Variants in SMYD3 observed in about 807,000 individuals in gnomAD.
SMYD3 encodes the protein histone-lysine N-methyltransferase SMYD3.
Under a neutral mutation model 57.7 loss-of-function variants are expected in SMYD3, and 36 were observed. That is an observed-to-expected ratio of 0.62 (90% CI 0.48 to 0.82). The LOEUF (loss-of-function observed/expected upper bound fraction) is 0.82, where lower values mean the gene tolerates loss of function less well. Ranked by LOEUF, SMYD3 falls within the 40% of genes least tolerant of loss-of-function variation. The probability of loss-of-function intolerance (pLI) is 0.00; values close to 1 mark genes in which losing one functional copy is unlikely to be tolerated. For synonymous variants in SMYD3, 211 were observed against 195.0 expected (o/e 1.08, Z -0.68); for missense variants, 515 against 538.8 (o/e 0.96, Z 0.44).
intron 5 of SMYD3, among the ~76,000 whole-genome samples, chr1:246,228,780 C>A (rs114304692): frequency 0.015 from 2,255 of 152,062 alleles, 40 homozygotes; most frequent in African/African-American, 0.035. Context: ...AATTAAACCT[C>A]CATCATCTAA....
At chr1:246,256,529 T>C (rs2063897762) in intron 5 of SMYD3, among the ~76,000 whole-genome samples, 1 of 151,706 alleles carries the variant, frequency 6.6e-6, no homozygotes, top group Non-Finnish European at 1.5e-5. Flanking sequence ...GGTTGTAATG[T>C]CACTTTTGTC....
intron 1 of SMYD3, among the ~76,000 whole-genome samples, chr1:246,412,783 G>A (rs183891518): frequency 1.1e-4 from 16 of 151,312 alleles, no homozygotes; most frequent in African/African-American, 2.9e-4. Flanking sequence ...GCTTGAACTC[G>A]GGAGGCGGAG....
At chr1:246,363,264 C>CT (rs1572422251) in intron 1 of SMYD3, among the ~76,000 whole-genome samples, 2 of 150,718 alleles carry the variant, frequency 1.3e-5, no homozygotes, top group African/African-American at 2.5e-5. Context: ...GGTTAGCCCC[C>CT]GCCAGGCCAG....
At position 246,486,794 on chromosome 1, in the gene SMYD3, C is replaced by A. The variant is rs1463620450; in HGVS notation, c.164+20260G>T. Among the ~76,000 whole-genome samples, 8 of 152,002 alleles carry A rather than the reference C, an allele frequency of 5.3e-5. No homozygotes were observed. The South Asian group carries it at 1.2e-3, about 24-fold the overall frequency. On this transcript the variant is annotated intron_variant, in intron 1 of 11. Transcript: ENST00000490107. ...TCTTCAAAAAAAGTAATCTCACCAC[C>A]CCCAAAAAAACTAATTCACTCATCA...
chr1:245,940,284 C>T (rs1031981690), intron 5 of SMYD3, among the ~76,000 whole-genome samples: 3 of 152,214 alleles, frequency 2.0e-5, no homozygotes, highest in African/African-American at 7.2e-5. Context: ...CAAGGGGCAG[C>T]CACACTGCTT....
intron 5 of SMYD3, among the ~76,000 whole-genome samples, chr1:245,985,133 C>G (rs2058677070): frequency 6.6e-6 from 1 of 152,216 alleles, no homozygotes; most frequent in East Asian, 1.9e-4. Flanking sequence ...TTCACTGCCT[C>G]CCTTTTGGTC....
At chr1:245,925,901 A>C (rs1186972206) in intron 7 of SMYD3, among the ~76,000 whole-genome samples, 1 of 152,144 alleles carries the variant, frequency 6.6e-6, no homozygotes, top group Non-Finnish European at 1.5e-5. Flanking sequence ...TACACAAGAG[A>C]TGTGATTGAA....
At chr1:245,979,235 G>C (rs2058534628) in intron 5 of SMYD3, among the ~76,000 whole-genome samples, 1 of 152,104 alleles carries the variant, frequency 6.6e-6, no homozygotes, top group Non-Finnish European at 1.5e-5. Flanking sequence ...TCTTTTCCAG[G>C]GTAAAAACAA....
chr1:246,055,079 G>A (rs2060127959), intron 5 of SMYD3, among the ~76,000 whole-genome samples: 1 of 152,048 alleles, frequency 6.6e-6, no homozygotes, highest in South Asian at 2.1e-4. Flanking sequence ...AGTAGGCTGA[G>A]GCAGGAGAAT....
chr1:245,914,661 C>T (rs781760193), intron 8 of SMYD3, among the ~76,000 whole-genome samples: 20 of 152,066 alleles, frequency 1.3e-4, no homozygotes, highest in Non-Finnish European at 2.6e-4. Flanking sequence ...TTAGGAGGAA[C>T]GAATCTGCTC....
intron 5 of SMYD3, among the ~76,000 whole-genome samples, chr1:246,000,598 TC>T (rs1279344022): frequency 2.0e-5 from 3 of 151,980 alleles, no homozygotes; most frequent in Non-Finnish European, 4.4e-5. Context: ...TCTCTCTGTT[TC>T]CCCCTCCCCT....
intron 5 of SMYD3, among the ~76,000 whole-genome samples, chr1:246,019,166 C>T (rs1271251924): frequency 1.3e-5 from 2 of 152,152 alleles, no homozygotes; most frequent in Non-Finnish European, 2.9e-5. Context: ...GCTGATTTTG[C>T]TCCTCCCCCT....
At chr1:246,441,872 A>C (rs1262304991) in intron 1 of SMYD3, among the ~76,000 whole-genome samples, 1 of 152,220 alleles carries the variant, frequency 6.6e-6, no homozygotes, top group Non-Finnish European at 1.5e-5. Context: ...TCGGGCCCCC[A>C]GGGTGCTGGG....
chr1:246,145,986 C>T (rs2061836918), intron 5 of SMYD3, among the ~76,000 whole-genome samples: 1 of 152,212 alleles, frequency 6.6e-6, no homozygotes, highest in South Asian at 2.1e-4. Flanking sequence ...TTTTAAAGCA[C>T]TCTTAAAGCA....
At chr1:246,477,252 TTAGA>T (rs2068041318) in intron 1 of SMYD3, among the ~76,000 whole-genome samples, 1 of 152,224 alleles carries the variant, frequency 6.6e-6, no homozygotes, top group Admixed American at 6.5e-5. Flanking sequence ...TATAAGATAC[TTAGA>T]TAAATATAAT....
chr1:245,942,385 G>A (rs531615841), intron 5 of SMYD3, among the ~76,000 whole-genome samples: 1 of 152,190 alleles, frequency 6.6e-6, no homozygotes, highest in African/African-American at 2.4e-5. Context: ...GACAAAGAAG[G>A]GCATTACATA....
intron 5 of SMYD3, among the ~76,000 whole-genome samples, chr1:245,993,579 AAGATAGATAGATAGATAGATAGAT>A (rs1210624302): frequency 3.3e-5 from 1 of 30,076 alleles, no homozygotes; most frequent in African/African-American, 6.7e-5. Context: ...AAAAAAAAAA[AAGATAGATAGATAGATAGATAGAT>A]AGATAGATAG....
chr1:246,150,890 A>C (rs1025760611), intron 5 of SMYD3, among the ~76,000 whole-genome samples: 2 of 152,212 alleles, frequency 1.3e-5, no homozygotes, highest in African/African-American at 4.8e-5. Context: ...AAAGAGATGG[A>C]GGAAGGCTTG....
chr1:246,083,734 C>T (rs1304332350), intron 5 of SMYD3, among the ~76,000 whole-genome samples: 1 of 152,136 alleles, frequency 6.6e-6, no homozygotes, highest in Non-Finnish European at 1.5e-5. Flanking sequence ...CTAATCTCAC[C>T]TACAATTCAG....
Sources: gnomAD v4.1 joint callset for allele counts (sites outside exome capture counted in the v4.1 genomes callset) on GRCh38, gnomAD v4.1.1 for gene constraint, MANE v1.5 for transcripts, NCBI Gene and HGNC (gene_info 2026-07-23, HGNC 2026-07-21) for gene names.